The following PLCH1 variants were observed in gnomAD, a reference collection of about 807,000 sequenced individuals.
The protein encoded by PLCH1 is phospholipase C eta 1.
Under a neutral mutation model 126.7 loss-of-function variants are expected in PLCH1, and 60 were observed. That is an observed-to-expected ratio of 0.47 (90% CI 0.38 to 0.59). PLCH1 has a LOEUF of 0.59. PLCH1 is among the 20% of genes least tolerant of loss of function. The pLI, the probability that PLCH1 is intolerant of heterozygous loss-of-function variation, is 0.00. For missense variants in PLCH1, 1,723 were observed against 2,040.0 expected (o/e 0.84, Z 2.99); for synonymous variants, 719 against 734.9 (o/e 0.98, Z 0.35).
chr3:155,483,611 T>A (rs1714536070), intron 22 of PLCH1, among the ~76,000 whole-genome samples: 1 of 152,230 alleles, frequency 6.6e-6, no homozygotes, highest in Admixed American at 6.5e-5. Context: ...TGCATTAAAA[T>A]ATCAATATCT....
At chr3:155,484,472 G>A (rs923412420) in intron 22 of PLCH1, among the ~76,000 whole-genome samples, 1 of 152,194 alleles carries the variant, frequency 6.6e-6, no homozygotes, top group African/African-American at 2.4e-5. Context: ...TGGGAAAAGA[G>A]AGCACTGAAA....
intron 6 of PLCH1, among the ~76,000 whole-genome samples, chr3:155,579,894 TTCTCTCTCTCTC>T (rs772390671): frequency 6.8e-6 from 1 of 147,386 alleles, no homozygotes; most frequent in African/African-American, 2.5e-5. Context: ...CTGTCTCTCT[TTCTCTCTCTCTC>T]TCTCTCACAC....
intron 21 of PLCH1, chr3:155,457,483 AG>A (rs1259985463): frequency 6.6e-6 from 1 of 152,182 alleles, no homozygotes; most frequent in Non-Finnish European, 1.5e-5. Flanking sequence ...TAAGGCCCTA[AG>A]CTACCTGATT....
intron 2 of PLCH1, among the ~76,000 whole-genome samples, chr3:155,608,920 C>G (rs1250931587): frequency 2.0e-5 from 3 of 152,182 alleles, no homozygotes; most frequent in Non-Finnish European, 4.4e-5. Flanking sequence ...GTGCCACCTC[C>G]TGACTGGAGG....
At chr3:155,559,997 C>T (rs185445909) in intron 8 of PLCH1, among the ~76,000 whole-genome samples, 4 of 152,166 alleles carry the variant, frequency 2.6e-5, no homozygotes, top group Non-Finnish European at 4.4e-5. Flanking sequence ...AGTTTTGAGT[C>T]GGTATAAGGA....
chr3:155,496,772 A>G lies in PLCH1; in HGVS notation c.1894+548T>C, dbSNP rs1185676281. Among the ~76,000 whole-genome samples the G allele has an allele frequency of 4.6e-5, 7 of 152,206 alleles. 1 individual carries two copies. Among genetic ancestry groups the G allele is most frequent in the Admixed American group, 4.6e-4 (7 of 15,284 alleles). On this transcript the variant is annotated intron_variant, in intron 15 of 22. Coordinates refer to ENST00000460012, the MANE Select transcript of PLCH1 (RefSeq NM_014996.4). ...AAGGATATGAATAGATGTGACTAGA[A>G]TTTCTCAGCTCCGTGTGGCAACTGA...
At chr3:155,742,104 A>C (rs1204239371) in intron 1 of PLCH1, 1 of 152,170 alleles carries the variant, frequency 6.6e-6, no homozygotes, top group African/African-American at 2.4e-5. Flanking sequence ...GAACGTCTGA[A>C]GTGGTATTAG....
At chr3:155,625,676 TA>T (rs1737148987) in intron 2 of PLCH1, among the ~76,000 whole-genome samples, 1 of 152,170 alleles carries the variant, frequency 6.6e-6, no homozygotes, top group Non-Finnish European at 1.5e-5. Context: ...CACAATGGGA[TA>T]CCATCTCATG....
intron 1 of PLCH1, among the ~76,000 whole-genome samples, chr3:155,727,727 T>C (rs760490059): frequency 6.6e-5 from 10 of 151,994 alleles, no homozygotes; most frequent in Non-Finnish European, 1.3e-4. Flanking sequence ...CATCTTGAGG[T>C]TTTCCTGACT....
intron 10 of PLCH1, among the ~76,000 whole-genome samples, chr3:155,537,900 T>C (rs1357786527): frequency 6.6e-6 from 1 of 152,114 alleles, no homozygotes; most frequent in Non-Finnish European, 1.5e-5. Context: ...CAAATAGACT[T>C]AGCAGATATT....
At chr3:155,483,329 AC>A (rs1714489162) in intron 22 of PLCH1, 1 of 1,505,676 alleles carries the variant, frequency 6.6e-7, no homozygotes, top group South Asian at 1.2e-5. Context: ...GAGTTACCAT[AC>A]TTTTACAGTG....
rs555233498 is a variant in PLCH1 at position 155,568,628 on chromosome 3, A to G, written c.772-304T>C. 3.9e-5 allele frequency among the ~76,000 whole-genome samples: 6 copies of G among 152,344 alleles called. No homozygotes were observed. In the South Asian group the frequency reaches 6.2e-4, roughly 16 times the overall value. On this transcript the variant is annotated intron_variant, in intron 6 of 22. Coordinates refer to ENST00000460012, the MANE Select transcript of PLCH1 (RefSeq NM_014996.4). Reference sequence around the variant, plus strand: ...ATCCATTGCCAAAAATACACTCACTATAAGCTAGCAGCTATCTGCAAAAAT... The same window carrying G: ...ATCCATTGCCAAAAATACACTCACTGTAAGCTAGCAGCTATCTGCAAAAAT...
chr3:155,582,018 G>C (rs2108588415), intron 6 of PLCH1, among the ~76,000 whole-genome samples: 1 of 149,700 alleles, frequency 6.7e-6, no homozygotes, highest in African/African-American at 2.4e-5. Flanking sequence ...AAAGTGCTGG[G>C]ATTACAGGTG....
chr3:155,483,947 C>T (rs960392441), intron 22 of PLCH1, among the ~76,000 whole-genome samples: 4 of 151,452 alleles, frequency 2.6e-5, no homozygotes, highest in African/African-American at 9.7e-5. Context: ...AAATAGTTTC[C>T]AAACTAAAAA....
intron 2 of PLCH1, among the ~76,000 whole-genome samples, chr3:155,619,410 C>A (rs1736182366): frequency 6.6e-6 from 1 of 151,064 alleles, no homozygotes; most frequent in Non-Finnish European, 1.5e-5. Context: ...ATTCATATAC[C>A]CCCAGTAGCT....
At chr3:155,543,341 A>G (rs1202503945) in intron 10 of PLCH1, among the ~76,000 whole-genome samples, 1 of 152,196 alleles carries the variant, frequency 6.6e-6, no homozygotes, top group African/African-American at 2.4e-5. Flanking sequence ...TTAGAGGAAA[A>G]AGAATAAAAA....
chr3:155,494,225 C>T lies in PLCH1; in HGVS notation c.2098G>A (p.Gly700Arg), dbSNP rs181289435. The T allele has an allele frequency of 6.2e-7, 1 of 1,614,050 alleles. No individual in the cohort carries two copies. Among genetic ancestry groups the T allele is most frequent in the Admixed American group, 1.7e-5 (1 of 60,018 alleles). ...GCTCGGTTTAACTGCATCATTCGTC[C>T]TTCAGATTGATAATTCAGTGCCACT... Reference protein sequence around the residue: ...QLVALNYQSEGRMMQLNRAKF... With the variant: ...QLVALNYQSERRMMQLNRAKF... The change falls in exon 17 of 23, where the codon GGA becomes AGA. Residue 700 changes from glycine (G) to arginine (R), a missense_variant. Coordinates refer to ENST00000460012, the MANE Select transcript of PLCH1 (RefSeq NM_014996.4).
At chr3:155,541,146 C>T (rs575284299) in intron 10 of PLCH1, among the ~76,000 whole-genome samples, 37 of 152,054 alleles carry the variant, frequency 2.4e-4, no homozygotes, top group Non-Finnish European at 5.0e-4. Context: ...GAATGGAAAA[C>T]AAAACATATG....
chr3:155,531,423 G>A lies in PLCH1; in HGVS notation c.1363-7419C>T, dbSNP rs12630105. Among the ~76,000 whole-genome samples the A allele has an allele frequency of 4.0e-4, 61 of 152,266 alleles. 1 individual carries two copies. In the East Asian group the frequency reaches 7.7e-3, roughly 19 times the overall value. The stretch of plus-strand genomic sequence containing the variant: ...GCAAATCACCTGAGGCCAGGAGTTC[G>A]AGACCAGCCTGGCCAACATGATGAA... On this transcript the variant is annotated intron_variant, in intron 10 of 22. Coordinates refer to ENST00000460012, the MANE Select transcript of PLCH1 (RefSeq NM_014996.4).
Sources: allele counts gnomAD v4.1 joint callset (sites outside exome capture counted in the v4.1 genomes callset), GRCh38; gene constraint gnomAD v4.1.1; transcripts MANE v1.5; gene names NCBI Gene and HGNC (gene_info 2026-07-23, HGNC 2026-07-21).